The following PLEKHA7 variants were observed in gnomAD, a reference collection of about 807,000 sequenced individuals.
PLEKHA7 encodes pleckstrin homology domain-containing family A member 7.
A neutral mutation model predicts 170.0 loss-of-function variants in PLEKHA7; 104 were observed. The observed-to-expected ratio is 0.61, with a 90% CI of 0.52 to 0.72. PLEKHA7 has a LOEUF of 0.72. Ranked by LOEUF, PLEKHA7 falls within the 30% of genes least tolerant of loss-of-function variation. PLEKHA7 has a pLI of 0.00. For missense variants in PLEKHA7, 1,615 were observed against 1,671.7 expected (o/e 0.97, Z 0.59); for synonymous variants, 648 against 660.8 (o/e 0.98, Z 0.30).
At chr11:16,786,563 G>A (rs182100604) in intron 23 of PLEKHA7, 176 bp from the exon 24 acceptor site, 334 of 985,402 alleles carry the variant, frequency 3.4e-4, no homozygotes, top group Middle Eastern at 5.2e-4. Flanking sequence ...GTTCCAGACT[G>A]CTAAGTGCTC....
chr11:16,946,409 A>G (rs1273530922), intron 3 of PLEKHA7, among the ~76,000 whole-genome samples: 1 of 152,116 alleles, frequency 6.6e-6, no homozygotes, highest in East Asian at 1.9e-4. Context: ...ACTCCCTATG[A>G]CCAGGCAGGA....
At chr11:16,840,952 C>T (rs1261882241) in intron 9 of PLEKHA7, among the ~76,000 whole-genome samples, 2 of 152,252 alleles carry the variant, frequency 1.3e-5, no homozygotes, top group South Asian at 2.1e-4. Context: ...TGAAAGAACA[C>T]TGTCAAAGAG....
intron 3 of PLEKHA7, among the ~76,000 whole-genome samples, chr11:16,956,701 G>A (rs1229332857): frequency 2.0e-5 from 3 of 152,116 alleles, no homozygotes; most frequent in Admixed American, 6.5e-5. Context: ...GTCTACTCCC[G>A]CCTGGGCCCT....
intron 3 of PLEKHA7, among the ~76,000 whole-genome samples, chr11:16,924,353 T>C (rs2136270994): frequency 6.6e-6 from 1 of 152,054 alleles, no homozygotes; most frequent in Middle Eastern, 3.4e-3. Flanking sequence ...GGCCTGAAAA[T>C]ACACCCGAGG....
chr11:16,996,587 G>A (rs191684151), intron 3 of PLEKHA7, among the ~76,000 whole-genome samples: 192 of 152,340 alleles, frequency 1.3e-3, no homozygotes, highest in Non-Finnish European at 2.4e-3. Context: ...ACAGCTTACG[G>A]TCCTCAGCCA....
chr11:16,863,987 G>C (rs1590383011), intron 4 of PLEKHA7, among the ~76,000 whole-genome samples: 1 of 152,218 alleles, frequency 6.6e-6, no homozygotes, highest in South Asian at 2.1e-4. Context: ...CAAGTGCAAA[G>C]TTATTACAGA....
In PLEKHA7 at chr11:17,014,357, C is replaced by A; in HGVS notation, c.45G>T (p.Trp15Cys). 1 of 1,442,456 alleles carries A rather than the reference C, an allele frequency of 6.9e-7. No individual in the cohort carries two copies. The highest frequency in any genetic ancestry group is 9.2e-7 in the Non-Finnish European group (1 of 1,092,104). The allele number at this position is 1,442,456 out of a possible 1,614,324, so 89.4% of individuals were successfully genotyped here. ...GGCCATCCCGGCACACCCCGTAGGA[C>A]CAATGCTCAGGTAAAGTGTCCCGCC... ...TVGRDTLPEH[W>C]SYGVCRDGRV... The change falls in exon 1 of 27, where the codon TGG becomes TGT. Residue 15 changes from tryptophan to cysteine, a missense_variant. Trp to Cys is a radical substitution (Grantham distance 215). Transcript: ENST00000531066.
intron 25 of PLEKHA7, 29 bp from the exon 26 acceptor site, chr11:16,782,925 G>T: frequency 6.5e-7 from 1 of 1,531,780 alleles, no homozygotes; most frequent in Non-Finnish European, 8.7e-7. Context: ...CAGACCATGG[G>T]CCCTCCTGCC....
At chr11:16,799,363 T>C (rs1475657291) in intron 17 of PLEKHA7, among the ~76,000 whole-genome samples, 1 of 152,184 alleles carries the variant, frequency 6.6e-6, no homozygotes, top group East Asian at 1.9e-4. Context: ...TAGAAGGCAA[T>C]GCCACCAATA....
intron 3 of PLEKHA7, among the ~76,000 whole-genome samples, chr11:16,941,769 T>C (rs1860708160): frequency 6.6e-6 from 1 of 152,144 alleles, no homozygotes; most frequent in South Asian, 2.1e-4. Context: ...AAATCCAAAG[T>C]TTTGTACTTA....
chr11:16,906,289 A>G (rs1590563563), intron 3 of PLEKHA7, among the ~76,000 whole-genome samples: 2 of 107,002 alleles, frequency 1.9e-5, no homozygotes, highest in African/African-American at 4.1e-5. Context: ...GAAAGAAAGA[A>G]AATTGGAAAG....
chr11:16,785,412 A>T (rs1029805883), intron 24 of PLEKHA7, among the ~76,000 whole-genome samples: 2 of 152,198 alleles, frequency 1.3e-5, no homozygotes, highest in Non-Finnish European at 2.9e-5. Flanking sequence ...GATTCATTCA[A>T]CACAGTCAAA....
At chr11:16,876,663 G>GGA (rs2135738607) in intron 3 of PLEKHA7, among the ~76,000 whole-genome samples, 1 of 152,306 alleles carries the variant, frequency 6.6e-6, no homozygotes, top group African/African-American at 2.4e-5. Flanking sequence ...AATAAAGTGA[G>GGA]GACCATAGAG....
intron 3 of PLEKHA7, among the ~76,000 whole-genome samples, chr11:16,913,443 C>G (rs1858403288): frequency 1.3e-5 from 2 of 152,166 alleles, no homozygotes; most frequent in Non-Finnish European, 2.9e-5. Flanking sequence ...CCAGTCTCGA[C>G]AGCAGTAGCC....
intron 3 of PLEKHA7, among the ~76,000 whole-genome samples, chr11:16,892,975 T>C (rs1856765534): frequency 6.6e-6 from 1 of 152,106 alleles, no homozygotes; most frequent in Non-Finnish European, 1.5e-5. Flanking sequence ...TGTAAACAAG[T>C]TCCCTAGGGC....
chr11:16,838,276 G>A (rs1851674863), intron 9 of PLEKHA7, among the ~76,000 whole-genome samples: 1 of 152,154 alleles, frequency 6.6e-6, no homozygotes, highest in Non-Finnish European at 1.5e-5. Flanking sequence ...GGGAGGCTGA[G>A]CTAGGAGGAT....
At position 16,791,004 on chromosome 11, in the gene PLEKHA7, C is replaced by T. The variant is rs116885602; in HGVS notation, c.2934+7G>A. The T allele has an allele frequency of 3.5e-3, 5,639 of 1,614,010 alleles. 134 individuals are homozygous for T. In the East Asian group the frequency reaches 0.044, roughly 13 times the overall value. On this transcript the variant is annotated splice_region_variant and intron_variant, in intron 20 of 26. Transcript: ENST00000531066. This position sits in a 1 kb window ranked among gnomAD's most constrained non-coding sequence, Gnocchi z 4.5. ...GTAGAGTGGCAGCCCCAGGGTCCCC[C>T]GCTCACCCTGGAATCCCCATTCACA...
chr11:16,949,062 T>C (rs12221693), intron 3 of PLEKHA7, among the ~76,000 whole-genome samples: 73,135 of 151,952 alleles, frequency 0.48, 18,435 homozygotes, highest in East Asian at 0.74. Flanking sequence ...CTGGATTTCT[T>C]ACCTCTAAGC....
chr11:16,956,145 A>G (rs1861688292), intron 3 of PLEKHA7, among the ~76,000 whole-genome samples: 1 of 152,208 alleles, frequency 6.6e-6, no homozygotes, highest in Non-Finnish European at 1.5e-5. Context: ...AGAGCAGCTC[A>G]GAGGAGTATG....
Sources: allele counts gnomAD v4.1 joint callset (sites outside exome capture counted in the v4.1 genomes callset), GRCh38; gene constraint gnomAD v4.1.1; non-coding constraint Gnocchi (gnomAD v3.1); transcripts MANE v1.5; gene names NCBI Gene and HGNC (gene_info 2026-07-23, HGNC 2026-07-21).